Variants in EDNRA observed in about 807,000 individuals in gnomAD.
EDNRA encodes endothelin-1 receptor.
In EDNRA, 11 loss-of-function variants were observed where a neutral mutation model predicts 41.4. That is an observed-to-expected ratio of 0.27 (90% CI 0.17 to 0.44). EDNRA has a LOEUF of 0.44. Among genes scored for constraint, EDNRA ranks in the 20% least tolerant of loss-of-function variants. The probability of loss-of-function intolerance (pLI) is 1.00; values close to 1 mark genes in which losing one functional copy is unlikely to be tolerated. For synonymous variants in EDNRA, 172 were observed against 183.0 expected, an observed-to-expected ratio of 0.94 and a Z score of 0.49; for missense variants, 294 against 531.0, an observed-to-expected ratio of 0.55 and a Z score of 4.39.
intron 4 of EDNRA, 98 bp from the exon 5 acceptor site, chr4:147,535,779 C>G: frequency 2.8e-6 from 4 of 1,438,308 alleles, no homozygotes. Context: ...ACAGATGTAT[C>G]TGCAAGTTTA....
intron 5 of EDNRA, 72 bp from the exon 6 acceptor site, chr4:147,539,745 G>T (rs1009297454): frequency 1.3e-6 from 2 of 1,508,046 alleles, no homozygotes; most frequent in Non-Finnish European, 1.8e-6. Flanking sequence ...GCTACTTCTT[G>T]GTACTGTAGT....
In EDNRA at chr4:147,511,079, C is replaced by T. The variant is rs367817900; in HGVS notation, c.421-8772C>T. Among the ~76,000 whole-genome samples, 105 of 152,280 alleles carry T rather than the reference C, an allele frequency of 6.9e-4. 2 individuals are homozygous for T. In the South Asian group the frequency reaches 0.02, roughly 29 times the overall value. On this transcript the variant is annotated intron_variant, in intron 2 of 7. Transcript: ENST00000651419. ...GACTGGAAGCCAGCATTTCTAACTT[C>T]TCCTTTAGTATGTTCCATCCTTCCA...
intron 4 of EDNRA, among the ~76,000 whole-genome samples, chr4:147,534,657 C>T (rs1318859875): frequency 7.2e-5 from 11 of 152,050 alleles, no homozygotes; most frequent in African/African-American, 1.7e-4. Flanking sequence ...TTCAACAGTT[C>T]GGTAGTTATT....
intron 3 of EDNRA, among the ~76,000 whole-genome samples, chr4:147,532,148 TA>T (rs61086622): frequency 0.066 from 7,507 of 114,540 alleles, 457 homozygotes; most frequent in African/African-American, 0.17. Context: ...CCGTCTCTAC[TA>T]AAAAAAAAAA....
chr4:147,527,606 A>G (rs551316793), intron 3 of EDNRA, among the ~76,000 whole-genome samples: 4 of 152,314 alleles, frequency 2.6e-5, no homozygotes, highest in African/African-American at 9.6e-5. Context: ...TTTCAAGAAT[A>G]AACATTTTTA....
intron 2 of EDNRA, among the ~76,000 whole-genome samples, chr4:147,513,063 G>A (rs1244389014): frequency 3.9e-5 from 6 of 152,164 alleles, no homozygotes; most frequent in Admixed American, 3.9e-4. Context: ...AGGTTAACGA[G>A]CATGCCAATG....
At chr4:147,500,646 C>T (rs1166625888) in intron 2 of EDNRA, among the ~76,000 whole-genome samples, 1 of 150,978 alleles carries the variant, frequency 6.6e-6, no homozygotes, top group African/African-American at 2.4e-5. Flanking sequence ...GAGCCCAGGT[C>T]GAGGCTTCTG....
chr4:147,502,263 T>G (rs1729542491), intron 2 of EDNRA, among the ~76,000 whole-genome samples: 1 of 152,152 alleles, frequency 6.6e-6, no homozygotes, highest in African/African-American at 2.4e-5. Context: ...TCATAGAAAA[T>G]TAGATATTTT....
In EDNRA at chr4:147,542,797, C is replaced by T. The variant is rs1731155102; in HGVS notation, c.*179C>T. The stretch of plus-strand genomic sequence containing the variant: ...CTGGTTTATCCACCCACAACATCTA[C>T]GAATCGTACTTCTTTAATTGATCTA... On this transcript the variant is annotated 3_prime_UTR_variant, in exon 8 of 8. Coordinates refer to ENST00000651419, the MANE Select transcript of EDNRA (RefSeq NM_001957.4). The T allele has an allele frequency of 1.2e-5, 8 of 665,794 alleles. No homozygotes were observed. Among genetic ancestry groups the T allele is most frequent in the African/African-American group, 3.6e-5 (2 of 55,048 alleles). The allele number at this position is 665,794 out of a possible 1,614,324, so 41.2% of individuals were successfully genotyped here.
At chr4:147,523,005 G>T (rs1318038214) in intron 3 of EDNRA, among the ~76,000 whole-genome samples, 1 of 152,196 alleles carries the variant, frequency 6.6e-6, no homozygotes, top group East Asian at 1.9e-4. Flanking sequence ...GTGCTTCCAC[G>T]TCACAGGTGG....
chr4:147,532,741 A>C (rs777113998), intron 4 of EDNRA, 37 bp downstream of exon 4: 4 of 1,603,338 alleles, frequency 2.5e-6, no homozygotes, highest in Middle Eastern at 1.9e-4. Context: ...TGGGGAAGGG[A>C]GGAGGTCCTC....
chr4:147,491,046 C>T (rs1468478816), intron 2 of EDNRA: 1 of 152,158 alleles, frequency 6.6e-6, no homozygotes, highest in Non-Finnish European at 1.5e-5. Flanking sequence ...AATCACGTCT[C>T]CACTTAGCAT....
At chr4:147,528,598 T>C (rs1041322387) in intron 3 of EDNRA, among the ~76,000 whole-genome samples, 3 of 152,118 alleles carry the variant, frequency 2.0e-5, no homozygotes, top group Non-Finnish European at 2.9e-5. Flanking sequence ...CCTTCCAAAG[T>C]GCTGGGATTG....
chr4:147,500,961 C>G (rs1729498553), intron 2 of EDNRA, among the ~76,000 whole-genome samples: 2 of 152,210 alleles, frequency 1.3e-5, no homozygotes, highest in Admixed American at 1.3e-4. Flanking sequence ...TGCAGAGGCA[C>G]TCATTTGGAT....
At chr4:147,523,991 G>A (rs1730439406) in intron 3 of EDNRA, among the ~76,000 whole-genome samples, 1 of 151,940 alleles carries the variant, frequency 6.6e-6, no homozygotes, top group Non-Finnish European at 1.5e-5. Context: ...TTTTATTTTT[G>A]TTTATACCAT....
At chr4:147,522,922 G>A (rs181736815) in intron 3 of EDNRA, among the ~76,000 whole-genome samples, 18 of 152,280 alleles carry the variant, frequency 1.2e-4, no homozygotes, top group Admixed American at 7.2e-4. Context: ...ATCCATACAC[G>A]TAAGGTTTAC....
intron 2 of EDNRA, chr4:147,492,364 C>T (rs1729165550): frequency 6.6e-6 from 1 of 152,210 alleles, no homozygotes; most frequent in South Asian, 2.1e-4. Flanking sequence ...AATTCCAGAT[C>T]TACAAGCAGA....
At chr4:147,488,007 A>G (rs924190461) in intron 2 of EDNRA, 4 of 152,230 alleles carry the variant, frequency 2.6e-5, no homozygotes, top group African/African-American at 7.2e-5. Context: ...TTAATGATAA[A>G]TTGGAAAATT....
chr4:147,532,236 G>T (rs1158243288), intron 3 of EDNRA, among the ~76,000 whole-genome samples: 5 of 146,366 alleles, frequency 3.4e-5, no homozygotes, highest in Non-Finnish European at 6.0e-5. Flanking sequence ...TGAGGCAGGA[G>T]AATGGCGTGA....
Sources: allele counts gnomAD v4.1 joint callset (sites outside exome capture counted in the v4.1 genomes callset), GRCh38; gene constraint gnomAD v4.1.1; transcripts MANE v1.5; gene names NCBI Gene and HGNC (gene_info 2026-07-23, HGNC 2026-07-21).